The following EPHA5 variants were observed in gnomAD, a reference collection of about 807,000 sequenced individuals.
EPHA5 encodes EPH receptor A5, also known as ephrin type-A receptor 5.
In EPHA5, 60 loss-of-function variants were observed where a neutral mutation model predicts 105.0. That is an observed-to-expected ratio of 0.57 (90% CI 0.46 to 0.71). EPHA5 has a LOEUF of 0.71. Ranked by LOEUF, EPHA5 falls within the 30% of genes least tolerant of loss-of-function variation. The pLI, the probability that EPHA5 is intolerant of heterozygous loss-of-function variation, is 0.00. For synonymous variants in EPHA5, 513 were observed against 449.1 expected (o/e 1.14, Z -1.80); for missense variants, 1,218 against 1,274.7 (o/e 0.96, Z 0.68).
In EPHA5 at chr4:65,601,994, A is replaced by G. The variant is rs757810079; in HGVS notation, c.557T>C (p.Leu186Pro). 6.2e-7 allele frequency: 1 copy of G among 1,614,162 alleles called. No homozygotes were observed. Among genetic ancestry groups the G allele is most frequent in the Non-Finnish European group, 8.5e-7 (1 of 1,180,014 alleles). ...TIAADESFTE[L>P]DLGDRVMKLN... is the part of the protein sequence containing the mutation. The stretch of plus-strand genomic sequence containing the variant: ...TTTCATAACACGGTCACCAAGATCA[A>G]GTTCTGTAAAGCTTTCATCGGCAGC... The change falls in exon 3 of 17, where the codon CTT becomes CCT. Residue 186 changes from leucine to proline, a missense_variant. Leu to Pro is a moderately conservative substitution (Grantham distance 98, BLOSUM62 -3). Coordinates refer to ENST00000613740, the MANE Select transcript of EPHA5 (RefSeq NM_001281766.3).
chr4:65,447,203 T>A (rs115868295), intron 5 of EPHA5, among the ~76,000 whole-genome samples: 1,725 of 151,904 alleles, frequency 0.011, 37 homozygotes, highest in African/African-American at 0.04. Flanking sequence ...GATTGCGGGT[T>A]GGGGGGTGGG....
At chr4:65,541,728 A>T (rs1736854172) in intron 3 of EPHA5, among the ~76,000 whole-genome samples, 1 of 151,876 alleles carries the variant, frequency 6.6e-6, no homozygotes, top group Non-Finnish European at 1.5e-5. Context: ...CAGGACTTGA[A>T]CTCAGCTTTG....
At chr4:65,558,058 G>A (rs1738634831) in intron 3 of EPHA5, among the ~76,000 whole-genome samples, 1 of 151,906 alleles carries the variant, frequency 6.6e-6, no homozygotes, top group Non-Finnish European at 1.5e-5. Context: ...TGTATTTTTA[G>A]TAGAGACAGG....
At chr4:65,543,641 T>C (rs192488798) in intron 3 of EPHA5, among the ~76,000 whole-genome samples, 446 of 152,112 alleles carry the variant, frequency 2.9e-3, no homozygotes, top group African/African-American at 0.01. Flanking sequence ...AAAATGGTCA[T>C]ACTGCCCAAA....
At chr4:65,524,561 G>T (rs1174605736) in intron 3 of EPHA5, among the ~76,000 whole-genome samples, 1 of 151,608 alleles carries the variant, frequency 6.6e-6, no homozygotes, top group Non-Finnish European at 1.5e-5. Flanking sequence ...TTTAGAAACA[G>T]AAAAATATAA....
chr4:65,503,741 C>A lies in EPHA5; in HGVS notation c.911-8198G>T, dbSNP rs184015932. On this transcript the variant is annotated intron_variant, in intron 3 of 16. Coordinates refer to ENST00000613740, the MANE Select transcript of EPHA5 (RefSeq NM_001281766.3). ...ATGGAATATACAAATATAATTAAGA[C>A]ATTTTTCTTACCATTGTGTCATTAA... is the stretch of plus-strand genomic sequence containing the variant. Among the ~76,000 whole-genome samples, 1,087 of 151,828 alleles carry A rather than the reference C, an allele frequency of 7.2e-3. 15 individuals are homozygous for A. The highest frequency in any genetic ancestry group is 0.025 in the African/African-American group (1,049 of 41,492).
intron 7 of EPHA5, among the ~76,000 whole-genome samples, chr4:65,412,025 T>C (rs1381831968): frequency 6.6e-6 from 1 of 152,136 alleles, no homozygotes; most frequent in Non-Finnish European, 1.5e-5. Flanking sequence ...GGTCGGGAGT[T>C]TGAGACCAGA....
At chr4:65,348,815 A>ATATTTT (rs71657404) in intron 13 of EPHA5, among the ~76,000 whole-genome samples, 1,279 of 64,064 alleles carry the variant, frequency 0.02, 100 homozygotes, top group East Asian at 0.044. Flanking sequence ...ATATATATAT[A>ATATTTT]TTTTTTTTTT....
At chr4:65,516,280 T>A (rs1734096006) in intron 3 of EPHA5, among the ~76,000 whole-genome samples, 1 of 152,202 alleles carries the variant, frequency 6.6e-6, no homozygotes. Flanking sequence ...TATTATATAC[T>A]CGATTCTTAC....
At chr4:65,480,283 C>T (rs1730227624) in intron 5 of EPHA5, among the ~76,000 whole-genome samples, 1 of 152,108 alleles carries the variant, frequency 6.6e-6, no homozygotes, top group Non-Finnish European at 1.5e-5. Flanking sequence ...TGAAATGTGT[C>T]AACTTCATTG....
chr4:65,531,730 A>T (rs1372544988), intron 3 of EPHA5, among the ~76,000 whole-genome samples: 1 of 151,284 alleles, frequency 6.6e-6, no homozygotes, highest in East Asian at 1.9e-4. Flanking sequence ...GATCATAAAG[A>T]GGATATACTG....
At chr4:65,459,978 C>G (rs900374233) in intron 5 of EPHA5, among the ~76,000 whole-genome samples, 1 of 151,530 alleles carries the variant, frequency 6.6e-6, no homozygotes, top group African/African-American at 2.4e-5. Flanking sequence ...TATAGGGAAC[C>G]CTATTCAAAC....
chr4:65,592,100 G>C (rs1156537318), intron 3 of EPHA5, among the ~76,000 whole-genome samples: 3 of 151,966 alleles, frequency 2.0e-5, no homozygotes, highest in Non-Finnish European at 2.9e-5. Flanking sequence ...GTTTTCAGAA[G>C]GCTTTCAGTA....
intron 2 of EPHA5, among the ~76,000 whole-genome samples, chr4:65,615,067 G>A (rs915035019): frequency 2.6e-5 from 4 of 151,724 alleles, no homozygotes; most frequent in Admixed American, 2.6e-4. Context: ...ATGCTAAATT[G>A]TGTTTTGTTA....
intron 3 of EPHA5, among the ~76,000 whole-genome samples, chr4:65,577,914 A>C (rs993770870): frequency 9.2e-5 from 14 of 152,128 alleles, no homozygotes; most frequent in African/African-American, 3.1e-4. Flanking sequence ...TGTCCCCATA[A>C]ACTCAGGAAT....
chr4:65,613,867 C>T (rs1744990289), intron 2 of EPHA5, among the ~76,000 whole-genome samples: 3 of 151,946 alleles, frequency 2.0e-5, no homozygotes, highest in Admixed American at 2.0e-4. Context: ...TTCTGACCAA[C>T]ATTAGACCAT....
chr4:65,654,853 T>C (rs1365353305), intron 1 of EPHA5, among the ~76,000 whole-genome samples: 1 of 147,130 alleles, frequency 6.8e-6, no homozygotes, highest in Non-Finnish European at 1.5e-5. Flanking sequence ...TATGGATATA[T>C]ATGTATTTTA....
intron 1 of EPHA5, among the ~76,000 whole-genome samples, chr4:65,653,506 T>C (rs6836063): frequency 0.036 from 5,437 of 152,198 alleles, 319 homozygotes; most frequent in African/African-American, 0.12. Context: ...ATTTTAGTAC[T>C]CAGAACTAAT....
intron 5 of EPHA5, among the ~76,000 whole-genome samples, chr4:65,425,032 AC>A (rs1724292455): frequency 1.3e-5 from 2 of 152,214 alleles, no homozygotes; most frequent in Admixed American, 1.3e-4. Context: ...AGTATTGGTT[AC>A]TTGTATTTAA....
Sources: gnomAD v4.1 joint callset for allele counts (sites outside exome capture counted in the v4.1 genomes callset) on GRCh38, gnomAD v4.1.1 for gene constraint, MANE v1.5 for transcripts, NCBI Gene and HGNC (gene_info 2026-07-23, HGNC 2026-07-21) for gene names.